Variants in SVOPL observed in about 807,000 individuals in gnomAD.
The protein encoded by SVOPL is SVOP like.
A neutral mutation model predicts 61.0 loss-of-function variants in SVOPL; 60 were observed. The observed-to-expected ratio is 0.98, with a 90% confidence interval of 0.80 to 1.22. The LOEUF (loss-of-function observed/expected upper bound fraction) is 1.22. Ranked by LOEUF, SVOPL falls within the 50% of genes most tolerant of loss-of-function variation. The pLI is 0.00. For synonymous variants in SVOPL, 279 were observed against 250.0 expected, an observed-to-expected ratio of 1.12 and a Z score of -1.09; for missense variants, 662 against 643.9, an observed-to-expected ratio of 1.03 and a Z score of -0.30.
At chr7:138,655,019 C>T (rs1015039436) in intron 7 of SVOPL, among the ~76,000 whole-genome samples, 3 of 151,552 alleles carry the variant, frequency 2.0e-5, no homozygotes, top group African/African-American at 4.9e-5. Context: ...GGAGAAACCC[C>T]ATCTCTACAA....
intron 9 of SVOPL, among the ~76,000 whole-genome samples, chr7:138,631,909 T>A (rs932365467): frequency 9.3e-5 from 14 of 151,018 alleles, no homozygotes; most frequent in African/African-American, 1.5e-4. Context: ...GTCCCATTTA[T>A]CCCCCTGAAG....
At chr7:138,681,024 T>A (rs78881049) in intron 1 of SVOPL, among the ~76,000 whole-genome samples, 10,906 of 151,882 alleles carry the variant, frequency 0.072, 644 homozygotes, top group East Asian at 0.22. Context: ...ATATTTAGGA[T>A]AAGGAAAGTA....
At chr7:138,651,724 A>G (rs921741251) in intron 7 of SVOPL, among the ~76,000 whole-genome samples, 9 of 152,144 alleles carry the variant, frequency 5.9e-5, no homozygotes, top group African/African-American at 1.7e-4. Context: ...CTGCACCTGT[A>G]TAAGATATGA....
intron 14 of SVOPL, among the ~76,000 whole-genome samples, chr7:138,614,674 G>T (rs1799208402): frequency 6.6e-6 from 1 of 152,140 alleles, no homozygotes; most frequent in African/African-American, 2.4e-5. Context: ...AGGATTACAG[G>T]TGTGGACCAC....
chr7:138,613,160 C>T (rs1799129232), intron 14 of SVOPL, among the ~76,000 whole-genome samples: 1 of 152,046 alleles, frequency 6.6e-6, no homozygotes, highest in Non-Finnish European at 1.5e-5. Context: ...GCTGGGACTA[C>T]AGACGCGTGC....
chr7:138,600,150 C>CT (rs1798453665), intron 14 of SVOPL, among the ~76,000 whole-genome samples: 1 of 151,926 alleles, frequency 6.6e-6, no homozygotes, highest in Non-Finnish European at 1.5e-5. Flanking sequence ...TGATACATGG[C>CT]TAATAGCCTG....
At chr7:138,626,358 G>A (rs534578717) in intron 12 of SVOPL, among the ~76,000 whole-genome samples, 33 of 152,200 alleles carry the variant, frequency 2.2e-4, no homozygotes, top group African/African-American at 5.8e-4. Flanking sequence ...CAGCTAGATC[G>A]CTTGAGGCCA....
At chr7:138,604,200 G>A (rs1460953160) in intron 14 of SVOPL, among the ~76,000 whole-genome samples, 1 of 151,978 alleles carries the variant, frequency 6.6e-6, no homozygotes, top group Non-Finnish European at 1.5e-5. Context: ...CCAGGATGAA[G>A]CAATCCTCCC....
chr7:138,665,371 C>T (rs1016832377), intron 4 of SVOPL, among the ~76,000 whole-genome samples: 3 of 151,394 alleles, frequency 2.0e-5, no homozygotes, highest in Non-Finnish European at 1.5e-5. Flanking sequence ...CACAATTGTT[C>T]CCAGTAAGCT....
chr7:138,664,159 T>C (rs1402033837), intron 4 of SVOPL: 2 of 949,218 alleles, frequency 2.1e-6, no homozygotes, highest in East Asian at 1.2e-4. Flanking sequence ...TCCTCAGTGG[T>C]GCCCCCTTCT....
At chr7:138,611,814 A>T (rs1391479932) in intron 14 of SVOPL, among the ~76,000 whole-genome samples, 2 of 12,482 alleles carry the variant, frequency 1.6e-4, no homozygotes, top group Admixed American at 1.2e-3. Context: ...TCGACAACCT[A>T]CACCTCCCAG....
At chr7:138,602,288 G>A (rs76916936) in intron 14 of SVOPL, among the ~76,000 whole-genome samples, 504 of 151,976 alleles carry the variant, frequency 3.3e-3, no homozygotes, top group African/African-American at 0.012. Context: ...GTAAATAGCA[G>A]AAAAAAATAA....
intron 9 of SVOPL, among the ~76,000 whole-genome samples, chr7:138,640,478 G>A (rs547817048): frequency 5.9e-5 from 9 of 152,128 alleles, no homozygotes; most frequent in East Asian, 5.8e-4. Context: ...TGTAACTCCC[G>A]ACCTCAGGTA....
intron 1 of SVOPL, among the ~76,000 whole-genome samples, chr7:138,680,060 C>T (rs1802665665): frequency 6.6e-6 from 1 of 152,144 alleles, no homozygotes; most frequent in South Asian, 2.1e-4. Context: ...CAAGAGCATC[C>T]TCTGAGTGGG....
chr7:138,604,518 A>C (rs1798666508), intron 14 of SVOPL, among the ~76,000 whole-genome samples: 1 of 152,024 alleles, frequency 6.6e-6, no homozygotes. Flanking sequence ...TATTAAAAAC[A>C]CAAAAAAAGC....
At chr7:138,679,179 A>C (rs1802647859) in intron 1 of SVOPL, 100 bp from the exon 2 acceptor site, 1 of 772,148 alleles carries the variant, frequency 1.3e-6, no homozygotes, top group Non-Finnish European at 2.1e-6. Flanking sequence ...TGAAGCCCTC[A>C]CAAAAATCGA....
intron 9 of SVOPL, among the ~76,000 whole-genome samples, chr7:138,632,268 C>G (rs1800239480): frequency 2.0e-5 from 3 of 152,130 alleles, no homozygotes; most frequent in African/African-American, 7.2e-5. Context: ...CTCATCTCTA[C>G]TAAAAATACA....
intron 1 of SVOPL, among the ~76,000 whole-genome samples, chr7:138,698,039 G>C (rs1803109985): frequency 6.6e-6 from 1 of 151,418 alleles, no homozygotes; most frequent in Non-Finnish European, 1.5e-5. Flanking sequence ...TAATGAAAAA[G>C]AGGAGAAGTT....
At position 138,596,485 on chromosome 7, in the gene SVOPL, A is replaced by G. The variant is rs1798286122; in HGVS notation, c.1399T>C (p.Ser467Pro). 3.7e-6 allele frequency: 6 copies of G among 1,613,992 alleles called. No individual in the cohort carries two copies. In the East Asian group the frequency reaches 1.3e-4, roughly 36 times the overall value. The stretch of plus-strand genomic sequence containing the variant: ...GAAATGGCGCATACAACACAGACAG[A>G]TGAGAAGAGACACAGGGCCCCCAGT... ...SILGALCLFS[S>P]VCVVCAISAF... The change falls in exon 15 of 16, where the codon TCT (serine) becomes CCT (proline). Residue 467 changes from serine to proline, a missense_variant. By Grantham distance (74) the Ser-to-Pro change is moderately conservative (BLOSUM62 -1). Transcript: ENST00000674285.
Sources: allele counts gnomAD v4.1 joint callset (sites outside exome capture counted in the v4.1 genomes callset), GRCh38; gene constraint gnomAD v4.1.1; transcripts MANE v1.5; gene names NCBI Gene and HGNC (gene_info 2026-07-23, HGNC 2026-07-21).